CYP4F22: variants seen among roughly 807,000 people sequenced by gnomAD.
CYP4F22 encodes cytochrome P450 family 4 subfamily F member 22.
Under a neutral mutation model 60.4 loss-of-function variants are expected in CYP4F22, and 37 were observed. The ratio of observed to expected loss-of-function variants is 0.61; its 90% CI spans 0.47 to 0.81. The LOEUF is 0.81. Among genes scored for constraint, CYP4F22 ranks in the 30% least tolerant of loss-of-function variants. CYP4F22 has a pLI of 0.00. For synonymous variants in CYP4F22, 258 were observed against 280.5 expected, an observed-to-expected ratio of 0.92 and a Z score of 0.80; for missense variants, 655 against 715.0, an observed-to-expected ratio of 0.92 and a Z score of 0.96.
rs758198588 is a variant in CYP4F22, at chr19:15,548,246, C to A, written c.1270+5C>A. The A allele has an allele frequency of 6.2e-7, 1 of 1,613,918 alleles. No homozygotes were observed. Among genetic ancestry groups the A allele is most frequent in the South Asian group, 1.1e-5 (1 of 91,082 alleles). The stretch of plus-strand genomic sequence containing the variant: ...ATGGGCGCATCATCCCCAAAGGTGC[C>A]TACCATGTTCCGCCTGCTGCTGGTG... On this transcript the variant is annotated splice_donor_5th_base_variant and intron_variant, in intron 11 of 13. Transcript: ENST00000269703.
At chr19:15,531,170 A>G (rs1036248965) in intron 4 of CYP4F22, among the ~76,000 whole-genome samples, 2 of 152,112 alleles carry the variant, frequency 1.3e-5, no homozygotes, top group African/African-American at 4.8e-5. Context: ...TGAGCTCAGG[A>G]GTTTAAGACC....
At chr19:15,513,363 T>TATATA (rs1568352307) in intron 1 of CYP4F22, among the ~76,000 whole-genome samples, 30 of 81,930 alleles carry the variant, frequency 3.7e-4, no homozygotes, top group South Asian at 8.1e-4. Flanking sequence ...ATATATATAT[T>TATATA]TTTTTTTTTT....
chr19:15,521,262 C>G (rs8112592), intron 1 of CYP4F22, among the ~76,000 whole-genome samples: 2 of 140,456 alleles, frequency 1.4e-5, no homozygotes, highest in African/African-American at 2.7e-5. Context: ...GACGGAGTCT[C>G]GCTCTGTCAC....
At chr19:15,533,497 AC>A (rs1424749068) in intron 4 of CYP4F22, among the ~76,000 whole-genome samples, 2 of 152,114 alleles carry the variant, frequency 1.3e-5, no homozygotes, top group Non-Finnish European at 2.9e-5. Context: ...TAGAAAGAGA[AC>A]CACATAAAAT....
chr19:15,533,910 A>G (rs1971369752), intron 4 of CYP4F22, among the ~76,000 whole-genome samples: 1 of 151,990 alleles, frequency 6.6e-6, no homozygotes, highest in Admixed American at 6.6e-5. Flanking sequence ...CTATGAACAT[A>G]TGTGTTCAAG....
In CYP4F22 at chr19:15,521,295, G is replaced by A. The variant is rs905977213; in HGVS notation, c.-108-2398G>A. ...CACCCAGGCTGGAGTGCAGTGGTTC[G>A]ATCTCAGCTCACTGCAACCTCCGCC... is the stretch of plus-strand genomic sequence containing the variant. On this transcript the variant is annotated intron_variant, in intron 1 of 13. Coordinates refer to ENST00000269703, the MANE Select transcript of CYP4F22 (RefSeq NM_173483.4). Among the ~76,000 whole-genome samples, 12 of 143,816 alleles carry A rather than the reference G, an allele frequency of 8.3e-5. No homozygotes were observed. In the East Asian group the frequency reaches 2.0e-3, roughly 24 times the overall value. The allele number at this position is 143,816 out of a possible 152,430, so 94.3% of individuals were successfully genotyped here. A position where few individuals can be genotyped will look rare whatever the true frequency, so the allele number is the denominator to read the frequency against.
chr19:15,543,989 C>T lies in CYP4F22; in HGVS notation c.958C>T (p.Leu320=), dbSNP rs1971493091. 1 of 1,613,980 alleles carries T rather than the reference C, an allele frequency of 6.2e-7. No homozygotes were observed. The highest frequency in any genetic ancestry group is 8.5e-7 in the Non-Finnish European group (1 of 1,180,002). Residue 320 remains leucine (L), a synonymous_variant, in exon 9 of 14, where the codon CTG becomes TTG. Transcript: ENST00000269703. The stretch of plus-strand genomic sequence containing the variant: ...ATTCCAGGATGAAGATGGAAAGGAA[C>T]TGTCAGACGAGGATATCCGAGCCGA... ...LLARDEDGKE[L]SDEDIRAEAD...
chr19:15,525,287 G>C (rs758656230), intron 2 of CYP4F22, 49 bp from the exon 3 acceptor site: 1 of 1,577,548 alleles, frequency 6.3e-7, no homozygotes. Context: ...TACCCCATGG[G>C]TCATCGTCTT....
chr19:15,538,115 C>T (rs745955046), intron 7 of CYP4F22, 122 bp downstream of exon 7: 74 of 1,359,982 alleles, frequency 5.4e-5, no homozygotes, highest in South Asian at 2.8e-4. Context: ...CACGGATGGG[C>T]CATGTGCTTC....
intron 1 of CYP4F22, among the ~76,000 whole-genome samples, chr19:15,509,025 G>C (rs1156953723): frequency 6.6e-6 from 1 of 152,020 alleles, no homozygotes; most frequent in Non-Finnish European, 1.5e-5. Flanking sequence ...TTGTCTTGAC[G>C]GGGAGGTTGT....
chr19:15,509,904 C>CCTTCCTT (rs1323141197), intron 1 of CYP4F22, among the ~76,000 whole-genome samples: 2 of 86,696 alleles, frequency 2.3e-5, no homozygotes, highest in Admixed American at 1.2e-4. Context: ...TTCCTTCCTT[C>CCTTCCTT]CTTTCTTTCT....
At chr19:15,510,966 A>ATATATATTTT (rs34055543) in intron 1 of CYP4F22, among the ~76,000 whole-genome samples, 3 of 103,336 alleles carry the variant, frequency 2.9e-5, no homozygotes, top group African/African-American at 1.4e-4. Flanking sequence ...ATATATATAT[A>ATATATATTTT]TTTTTTTTTT....
chr19:15,542,971 T>G (rs1433692397), intron 8 of CYP4F22, among the ~76,000 whole-genome samples: 1 of 152,222 alleles, frequency 6.6e-6, no homozygotes, highest in Non-Finnish European at 1.5e-5. Context: ...GCATTTGGGT[T>G]GATTCCATGT....
intron 11 of CYP4F22, among the ~76,000 whole-genome samples, chr19:15,548,786 G>C (rs1449408640): frequency 6.6e-6 from 1 of 152,116 alleles, no homozygotes; most frequent in Non-Finnish European, 1.5e-5. Context: ...TAGAGCCTCA[G>C]GATGCAGATT....
intron 10 of CYP4F22, among the ~76,000 whole-genome samples, chr19:15,545,468 C>G (rs556314521): frequency 6.6e-6 from 1 of 151,386 alleles, no homozygotes; most frequent in African/African-American, 2.4e-5. Context: ...GGCAACATGA[C>G]GAAACCCTGT....
intron 10 of CYP4F22, among the ~76,000 whole-genome samples, 180 bp from the exon 11 acceptor site, chr19:15,547,928 A>G (rs539447650): frequency 1.7e-4 from 25 of 150,446 alleles, no homozygotes; most frequent in African/African-American, 6.1e-4. Context: ...AAATTGGGGC[A>G]AGTCTAAAAT....
intron 8 of CYP4F22, among the ~76,000 whole-genome samples, chr19:15,543,516 G>T (rs1418097117): frequency 6.6e-6 from 1 of 152,058 alleles, no homozygotes; most frequent in Non-Finnish European, 1.5e-5. Flanking sequence ...TAGACAAGTT[G>T]CATACTTCCA....
chr19:15,548,953 G>A (rs1422353080), intron 11 of CYP4F22, among the ~76,000 whole-genome samples, 185 bp from the exon 12 acceptor site: 1 of 152,130 alleles, frequency 6.6e-6, no homozygotes, highest in East Asian at 1.9e-4. Context: ...GAAGATGATA[G>A]GTTCCTCTTA....
intron 3 of CYP4F22, among the ~76,000 whole-genome samples, chr19:15,526,747 C>CT (rs751050534): frequency 0.025 from 3,307 of 134,342 alleles, 85 homozygotes; most frequent in African/African-American, 0.064. Flanking sequence ...TAGACTTTTC[C>CT]TTTTTTTTTT....
Sources: gnomAD v4.1 joint callset for allele counts (sites outside exome capture counted in the v4.1 genomes callset) on GRCh38, gnomAD v4.1.1 for gene constraint, MANE v1.5 for transcripts, NCBI Gene and HGNC (gene_info 2026-07-23, HGNC 2026-07-21) for gene names.